TTC39B: variants seen among roughly 807,000 people sequenced by gnomAD.
TTC39B encodes the protein tetratricopeptide repeat domain 39B.
TTC39B carries 92 observed loss-of-function variants against 96.6 expected under a neutral mutation model. The ratio of observed to expected loss-of-function variants is 0.95; its 90% CI spans 0.80 to 1.13. The LOEUF is 1.13. TTC39B is among the 50% of genes most tolerant of loss of function. The probability of loss-of-function intolerance (pLI) is 0.00; values close to 1 mark genes in which losing one functional copy is unlikely to be tolerated. For missense variants in TTC39B, 955 were observed against 809.3 expected (o/e 1.18, Z -2.18); for synonymous variants, 367 against 299.4 (o/e 1.23, Z -2.33).
At chr9:15,289,873 T>C (rs1336885822) in intron 1 of TTC39B, among the ~76,000 whole-genome samples, 1 of 152,190 alleles carries the variant, frequency 6.6e-6, no homozygotes, top group African/African-American at 2.4e-5. Flanking sequence ...TATCATCTGC[T>C]TTCTTGCAAG....
intron 19 of TTC39B, among the ~76,000 whole-genome samples, chr9:15,172,315 G>A (rs1817706464): frequency 1.3e-5 from 2 of 151,982 alleles, no homozygotes; most frequent in South Asian, 2.1e-4. Context: ...GCTTCCTGGT[G>A]GTCATCTAAA....
chr9:15,197,690 C>T (rs979849525), intron 8 of TTC39B, among the ~76,000 whole-genome samples: 1 of 152,084 alleles, frequency 6.6e-6, no homozygotes, highest in Non-Finnish European at 1.5e-5. Flanking sequence ...CACTTAGGCA[C>T]ATCATAGTCA....
At chr9:15,280,895 C>T (rs1401017710) in intron 1 of TTC39B, among the ~76,000 whole-genome samples, 3 of 152,166 alleles carry the variant, frequency 2.0e-5, no homozygotes, top group Non-Finnish European at 4.4e-5. Flanking sequence ...AGTCGAGGCA[C>T]CAGCCATTCT....
At chr9:15,234,357 G>A (rs1056349191) in intron 2 of TTC39B, among the ~76,000 whole-genome samples, 36 of 145,204 alleles carry the variant, frequency 2.5e-4, no homozygotes, top group African/African-American at 8.4e-4. Flanking sequence ...GCAGGGAGGT[G>A]GGGGGGTCAG....
At chr9:15,211,180 C>A in intron 5 of TTC39B, 86 bp downstream of exon 5, 1 of 1,362,936 alleles carries the variant, frequency 7.3e-7, no homozygotes. Flanking sequence ...AAACACAGAG[C>A]TTTTGGTCAG....
intron 1 of TTC39B, among the ~76,000 whole-genome samples, chr9:15,275,712 G>A (rs1301205119): frequency 6.6e-6 from 1 of 152,136 alleles, no homozygotes. Context: ...AAATGTATAA[G>A]GTAAGGCCCC....
At chr9:15,214,046 T>C in intron 4 of TTC39B, 93 bp downstream of exon 4, 6 of 939,426 alleles carry the variant, frequency 6.4e-6, no homozygotes, top group Non-Finnish European at 4.8e-6. Flanking sequence ...AATATTCAGA[T>C]GGGAACAGCT....
chr9:15,237,089 T>A (rs1323090556), intron 2 of TTC39B, among the ~76,000 whole-genome samples: 1 of 151,204 alleles, frequency 6.6e-6, no homozygotes, highest in African/African-American at 2.4e-5. Flanking sequence ...CCCAGGCGGA[T>A]GGATCACCTG....
chr9:15,234,644 G>GAGAAGT (rs991988392), intron 2 of TTC39B, among the ~76,000 whole-genome samples: 14 of 152,224 alleles, frequency 9.2e-5, no homozygotes, highest in African/African-American at 3.4e-4. Context: ...TCTGTGTAGG[G>GAGAAGT]AGAAGTAGAC....
intron 2 of TTC39B, among the ~76,000 whole-genome samples, chr9:15,239,645 T>C (rs945045431): frequency 6.6e-6 from 1 of 152,116 alleles, no homozygotes; most frequent in South Asian, 2.1e-4. Context: ...TTATCCTAGA[T>C]GAAATAAGTC....
chr9:15,294,583 G>A (rs1824304425), intron 1 of TTC39B, among the ~76,000 whole-genome samples: 1 of 152,174 alleles, frequency 6.6e-6, no homozygotes, highest in African/African-American at 2.4e-5. Flanking sequence ...ATGGCCCTTT[G>A]AGCCCCTGTT....
At chr9:15,177,373 T>A (rs917796337) in intron 18 of TTC39B, among the ~76,000 whole-genome samples, 1 of 152,006 alleles carries the variant, frequency 6.6e-6, no homozygotes, top group Non-Finnish European at 1.5e-5. Flanking sequence ...TAAAGAAATA[T>A]GTAAAAAACA....
rs115589564 is a variant in TTC39B at position 15,298,166 on chromosome 9, G to T, written c.240+8918C>A. 6.6e-3 allele frequency among the ~76,000 whole-genome samples: 1,010 copies of T among 152,232 alleles called. 9 individuals are homozygous for T. Among genetic ancestry groups the T allele is most frequent in the African/African-American group, 0.023 (958 of 41,522 alleles). ...GGACATCAGAACTCAAGGTTCTCCAGCATTCGGTCTCCAGAACTTGCACCT... is the reference window on the plus strand; with the variant it reads ...GGACATCAGAACTCAAGGTTCTCCATCATTCGGTCTCCAGAACTTGCACCT... On this transcript the variant is annotated intron_variant, in intron 1 of 19. Transcript: ENST00000512701.
chr9:15,211,708 C>A (rs370110221), intron 4 of TTC39B, among the ~76,000 whole-genome samples: 6 of 152,312 alleles, frequency 3.9e-5, no homozygotes, highest in African/African-American at 1.4e-4. Context: ...AGGGGCAGCA[C>A]ACGGCCTTTG....
In TTC39B at chr9:15,189,513, G is replaced by T; in HGVS notation, c.1233+61C>A. On this transcript the variant is annotated intron_variant, in intron 13 of 19. Coordinates refer to ENST00000512701, the Ensembl canonical transcript of TTC39B. ...TTTTGTTGAATAAGTAGGTCACAGC[G>T]ACTCATGTAGGAGTCGCCATACAGA... 3 of 1,563,796 alleles carry T rather than the reference G, an allele frequency of 1.9e-6. No homozygotes were observed. In the South Asian group the frequency reaches 3.4e-5, roughly 18 times the overall value.
intron 1 of TTC39B, among the ~76,000 whole-genome samples, chr9:15,285,032 C>T (rs1011260543): frequency 1.3e-5 from 2 of 152,120 alleles, no homozygotes; most frequent in South Asian, 2.1e-4. Flanking sequence ...GAGGCCGAGG[C>T]GAGCGGATCA....
At chr9:15,198,914 G>C (rs1819348151) in intron 8 of TTC39B, among the ~76,000 whole-genome samples, 1 of 152,180 alleles carries the variant, frequency 6.6e-6, no homozygotes, top group South Asian at 2.1e-4. Flanking sequence ...AGACATAACA[G>C]ATTTCAAGAC....
chr9:15,180,047 T>G (rs1336323401), intron 17 of TTC39B, among the ~76,000 whole-genome samples: 1 of 152,202 alleles, frequency 6.6e-6, no homozygotes, highest in African/African-American at 2.4e-5. Context: ...ACAACACACA[T>G]GTAATATGTT....
intron 3 of TTC39B, among the ~76,000 whole-genome samples, chr9:15,221,608 C>G (rs1221173632): frequency 6.6e-6 from 1 of 152,132 alleles, no homozygotes. Context: ...CCTTGGGTGC[C>G]AGGGGTCTCT....
Sources: allele counts gnomAD v4.1 joint callset (sites outside exome capture counted in the v4.1 genomes callset), GRCh38; gene constraint gnomAD v4.1.1; transcripts MANE v1.5; gene names NCBI Gene and HGNC (gene_info 2026-07-23, HGNC 2026-07-21).